THSD7B: variants seen among roughly 807,000 people sequenced by gnomAD.
THSD7B encodes the protein thrombospondin type 1 domain containing 7B, also known as thrombospondin type-1 domain-containing protein 7B.
Under a neutral mutation model 213.6 loss-of-function variants are expected in THSD7B, and 138 were observed. The ratio of observed to expected loss-of-function variants is 0.65; its 90% CI spans 0.56 to 0.74. The LOEUF (loss-of-function observed/expected upper bound fraction) is 0.74. Ranked by LOEUF, THSD7B falls within the 30% of genes least tolerant of loss-of-function variation. THSD7B has a pLI of 0.00. For missense variants in THSD7B, 1,931 were observed against 1,991.5 expected, an observed-to-expected ratio of 0.97 and a Z score of 0.58; for synonymous variants, 742 against 687.0, an observed-to-expected ratio of 1.08 and a Z score of -1.25.
Position 137,667,929 on chromosome 2 carries a change from G to T in THSD7B, c.4739+68G>T, listed in dbSNP as rs1287724557. 4 of 1,309,350 alleles carry T rather than the reference G, an allele frequency of 3.1e-6. No homozygotes were observed. The Admixed American group carries it at 6.7e-5, about 22-fold the overall frequency. 81.1% of individuals were successfully genotyped at this position (1,309,350 alleles called of 1,614,324 possible). A position where few individuals can be genotyped will look rare whatever the true frequency, so the allele number is the denominator to read the frequency against. On this transcript the variant is annotated intron_variant, in intron 27 of 27. Transcript: ENST00000409968. The stretch of plus-strand genomic sequence containing the variant: ...GGATTTCATGTTATACTTAAAACAA[G>T]TATCTCAGGATCATTGCCCATTATA...
At chr2:137,039,347 C>T (rs999285222) in intron 2 of THSD7B, among the ~76,000 whole-genome samples, 3 of 152,196 alleles carry the variant, frequency 2.0e-5, no homozygotes, top group African/African-American at 7.2e-5. Flanking sequence ...TAGTGGTTCT[C>T]TGCTATGGTG....
intron 17 of THSD7B, among the ~76,000 whole-genome samples, chr2:137,600,259 T>G (rs1682050953): frequency 6.6e-6 from 1 of 152,174 alleles, no homozygotes; most frequent in African/African-American, 2.4e-5. Context: ...TTGGAAACAC[T>G]AAAGGTTATT....
chr2:137,150,514 C>T (rs1558939050), intron 5 of THSD7B, among the ~76,000 whole-genome samples: 1 of 152,134 alleles, frequency 6.6e-6, no homozygotes, highest in East Asian at 1.9e-4. Context: ...ACACTCTGCA[C>T]TTCTCCTTGT....
chr2:137,220,269 T>C (rs1295022236), intron 7 of THSD7B, among the ~76,000 whole-genome samples: 2 of 151,960 alleles, frequency 1.3e-5, no homozygotes, highest in African/African-American at 4.8e-5. Context: ...TAAAAGGACA[T>C]TTTCAAATCA....
chr2:137,338,622 CAA>C (rs1260079093), intron 12 of THSD7B, among the ~76,000 whole-genome samples: 1 of 151,942 alleles, frequency 6.6e-6, no homozygotes, highest in Non-Finnish European at 1.5e-5. Flanking sequence ...TTAAATGCAA[CAA>C]AGTTTTTAAA....
intron 2 of THSD7B, among the ~76,000 whole-genome samples, chr2:137,023,886 G>A (rs757996964): frequency 2.1e-4 from 32 of 151,502 alleles, no homozygotes; most frequent in Non-Finnish European, 4.4e-5. Flanking sequence ...CTTCAAATTC[G>A]ACAAATGAAC....
chr2:137,080,789 T>G (rs1157133949), intron 3 of THSD7B, among the ~76,000 whole-genome samples: 1 of 152,182 alleles, frequency 6.6e-6, no homozygotes, highest in Non-Finnish European at 1.5e-5. Context: ...GTTATTCTTC[T>G]AGTCCTGACC....
At chr2:137,154,161 A>G (rs1679866685) in intron 5 of THSD7B, among the ~76,000 whole-genome samples, 1 of 152,118 alleles carries the variant, frequency 6.6e-6, no homozygotes, top group African/African-American at 2.4e-5. Context: ...AGACAAAACA[A>G]TTTAGGTTTT....
chr2:137,465,250 T>TA (rs1189104584), intron 15 of THSD7B, among the ~76,000 whole-genome samples: 156 of 137,818 alleles, frequency 1.1e-3, no homozygotes, highest in South Asian at 2.3e-3. Context: ...TCCCCATTCA[T>TA]AAAAAAAAAA....
intron 20 of THSD7B, among the ~76,000 whole-genome samples, chr2:137,640,377 C>T (rs988870276): frequency 2.0e-5 from 3 of 152,160 alleles, no homozygotes; most frequent in Admixed American, 1.3e-4. Context: ...TCTATTTCTT[C>T]TCAGTCTTGG....
chr2:137,219,545 AG>A (rs1185569448), intron 7 of THSD7B, among the ~76,000 whole-genome samples: 2 of 152,168 alleles, frequency 1.3e-5, no homozygotes, highest in African/African-American at 4.8e-5. Context: ...TTCAAAGTCA[AG>A]CTTCCTAGAG....
chr2:136,887,329 T>TGTGTGAGA (rs1553455589), intron 2 of THSD7B, among the ~76,000 whole-genome samples: 2 of 151,040 alleles, frequency 1.3e-5, no homozygotes, highest in Non-Finnish European at 3.0e-5. Flanking sequence ...TGTGTGTGTG[T>TGTGTGAGA]GACAGGCTTT....
chr2:137,059,011 A>C (rs1371813074), intron 3 of THSD7B, among the ~76,000 whole-genome samples: 1 of 152,210 alleles, frequency 6.6e-6, no homozygotes, highest in Admixed American at 6.5e-5. Flanking sequence ...ATAAAAATAA[A>C]TACCATAGTT....
intron 12 of THSD7B, among the ~76,000 whole-genome samples, chr2:137,320,426 G>A (rs549747223): frequency 3.4e-4 from 51 of 152,226 alleles, no homozygotes; most frequent in African/African-American, 1.2e-3. Flanking sequence ...CAACTATTTT[G>A]ATATCATACA....
At chr2:137,294,583 CAAAAAAAAAAA>C (rs1210363889) in intron 12 of THSD7B, among the ~76,000 whole-genome samples, 3 of 73,246 alleles carry the variant, frequency 4.1e-5, no homozygotes, top group African/African-American at 9.9e-5. Context: ...AACTCCATCT[CAAAAAAAAAAA>C]AAAAAAAAAA....
At chr2:137,160,067 A>T in intron 5 of THSD7B, 146 bp from the exon 6 acceptor site, 1 of 937,294 alleles carries the variant, frequency 1.1e-6, no homozygotes, top group South Asian at 2.4e-5. Flanking sequence ...TAAACAACAC[A>T]TATTAGAAAG....
At chr2:136,793,812 T>A (rs1682011296) in intron 1 of THSD7B, among the ~76,000 whole-genome samples, 1 of 148,884 alleles carries the variant, frequency 6.7e-6, no homozygotes, top group Non-Finnish European at 1.5e-5. Context: ...GTATTTTTAC[T>A]TTTTTTTTTA....
chr2:136,815,968 T>A (rs1022843856), intron 1 of THSD7B, among the ~76,000 whole-genome samples: 4 of 152,298 alleles, frequency 2.6e-5, no homozygotes, highest in Admixed American at 2.6e-4. Flanking sequence ...CACTGCAATC[T>A]CTGCCTCCTG....
At position 137,114,497 on chromosome 2, in the gene THSD7B, T is replaced by TA. The variant is rs1688409792; in HGVS notation, c.1200-626dup. On this transcript the variant is annotated intron_variant, in intron 4 of 27. Transcript: ENST00000409968. ...TATAAACTAGGGAGACATATTTCTATATCAGTTTATATAACAGTATGGCTG... is the reference window on the plus strand; with the variant it reads ...TATAAACTAGGGAGACATATTTCTATAATCAGTTTATATAACAGTATGGCTG... Among the ~76,000 whole-genome samples the TA allele has an allele frequency of 5.9e-5, 9 of 152,340 alleles. No individual in the cohort carries two copies. The South Asian group carries it at 1.9e-3, about 32-fold the overall frequency.
Sources: allele counts gnomAD v4.1 joint callset (sites outside exome capture counted in the v4.1 genomes callset), GRCh38; gene constraint gnomAD v4.1.1; transcripts MANE v1.5; gene names NCBI Gene and HGNC (gene_info 2026-07-23, HGNC 2026-07-21).